Variants in YLPM1 observed in about 807,000 individuals in gnomAD.
The protein encoded by YLPM1 is YLP motif-containing protein 1.
A neutral mutation model predicts 230.0 loss-of-function variants in YLPM1; 99 were observed. The observed-to-expected ratio is 0.43, with a 90% CI of 0.37 to 0.51. YLPM1 has a LOEUF of 0.51. YLPM1 is among the 20% of genes least tolerant of loss of function. YLPM1 has a pLI of 0.00. For missense variants in YLPM1, 2,592 were observed against 2,707.7 expected (o/e 0.96, Z 0.95); for synonymous variants, 984 against 942.5 (o/e 1.04, Z -0.81).
chr14:74,777,869 G>C lies in YLPM1; in HGVS notation c.874-578G>C, dbSNP rs140640270. Among the ~76,000 whole-genome samples, 28 of 152,230 alleles carry C rather than the reference G, an allele frequency of 1.8e-4. No individual in the cohort carries two copies. In the East Asian group the frequency reaches 5.0e-3, roughly 27 times the overall value. Reference sequence around the variant, plus strand: ...GCATGCCTACGAACCCAGCTGCTCAGGAGGCTGAGGTGGGAGGATTGCTTG... The same window carrying C: ...GCATGCCTACGAACCCAGCTGCTCACGAGGCTGAGGTGGGAGGATTGCTTG... On this transcript the variant is annotated intron_variant, in intron 1 of 20. Transcript: ENST00000325680.
chr14:74,806,948 T>TACA (rs1264843262), intron 6 of YLPM1, among the ~76,000 whole-genome samples: 1 of 152,208 alleles, frequency 6.6e-6, no homozygotes, highest in Non-Finnish European at 1.5e-5. Context: ...TTTATAAGTA[T>TACA]ACATCTATGA....
Position 74,764,203 on chromosome 14 carries a change from C to T in YLPM1, c.714C>T (p.Gly238=), listed in dbSNP as rs551696638. The T allele has an allele frequency of 1.2e-6, 2 of 1,613,240 alleles. No homozygotes were observed. Among genetic ancestry groups the T allele is most frequent in the South Asian group, 1.1e-5 (1 of 91,032 alleles). The change falls in exon 1 of 21, where the codon GGC becomes GGT. Residue 238 remains glycine, a synonymous_variant. Coordinates refer to ENST00000325680, the MANE Select transcript of YLPM1 (RefSeq NM_019589.3). The stretch of plus-strand genomic sequence containing the variant: ...CATCTCCTTCCCGCCCCTCCCAGGG[C>T]CATTCTAAATCCCAACTACTAGCTC... ...SQASPSRPSQ[G]HSKSQLLAPP...
intron 8 of YLPM1, 34 bp from the exon 9 acceptor site, chr14:74,810,191 G>A (rs1594835234): frequency 1.3e-6 from 2 of 1,597,048 alleles, no homozygotes; most frequent in Non-Finnish European, 8.5e-7. Flanking sequence ...TCTATAAAAG[G>A]GATATAGTTA....
intron 1 of YLPM1, among the ~76,000 whole-genome samples, chr14:74,774,929 A>G (rs2091018640): frequency 6.6e-6 from 1 of 152,236 alleles, no homozygotes; most frequent in Admixed American, 6.5e-5. Flanking sequence ...AGAGAGTATC[A>G]TACTGAATAT....
intron 16 of YLPM1, among the ~76,000 whole-genome samples, chr14:74,819,414 A>G (rs2140136256): frequency 6.6e-6 from 1 of 151,704 alleles, no homozygotes. Flanking sequence ...AGCTGGAACT[A>G]CAGGCATGCG....
At chr14:74,816,548 C>T in intron 12 of YLPM1, 23 bp from the exon 13 acceptor site, 1 of 1,602,180 alleles carries the variant, frequency 6.2e-7, no homozygotes, top group Non-Finnish European at 8.5e-7. Context: ...TCGTTTTAAC[C>T]TTCTTGACTG....
At chr14:74,806,540 G>A (rs188699137) in intron 6 of YLPM1, among the ~76,000 whole-genome samples, 201 of 151,938 alleles carry the variant, frequency 1.3e-3, no homozygotes, top group Middle Eastern at 3.4e-3. Context: ...TGCACATAGC[G>A]CCACTGCGCT....
At position 74,829,345 on chromosome 14, in the gene YLPM1, T is replaced by A; in HGVS notation, c.6294+2T>A. The A allele has an allele frequency of 6.2e-7, 1 of 1,612,636 alleles. No homozygotes were observed. Among genetic ancestry groups the A allele is most frequent in the Non-Finnish European group, 8.5e-7 (1 of 1,178,986 alleles). ...GCTTCTGAGCCTGGGAAGAAGAGGGTAAGAGACTTTGTCAATAACTGCCAA... is the reference window on the plus strand; with the variant it reads ...GCTTCTGAGCCTGGGAAGAAGAGGGAAAGAGACTTTGTCAATAACTGCCAA... On this transcript the variant is annotated splice_donor_variant, in intron 19 of 20. Coordinates refer to ENST00000325680, the MANE Select transcript of YLPM1 (RefSeq NM_019589.3). LOFTEE classifies it high-confidence loss of function.
rs555187039 is a variant in YLPM1 at position 74,776,750 on chromosome 14, G to C, written c.874-1697G>C. Among the ~76,000 whole-genome samples the C allele has an allele frequency of 2.0e-5, 3 of 152,296 alleles. No individual in the cohort carries two copies. In the South Asian group the frequency reaches 6.2e-4, roughly 32 times the overall value. ...GTGAATGACTGGGAAAGCTCAGTGA[G>C]TATGGATTTTGGGTTTAGAAATAAA... On this transcript the variant is annotated intron_variant, in intron 1 of 20. Transcript: ENST00000325680.
intron 1 of YLPM1, 106 bp downstream of exon 1, chr14:74,764,468 A>G (rs2090891404): frequency 7.4e-7 from 1 of 1,354,572 alleles, no homozygotes; most frequent in African/African-American, 1.5e-5. Flanking sequence ...CACAATGACT[A>G]GCTAACACTC....
intron 4 of YLPM1, among the ~76,000 whole-genome samples, chr14:74,795,872 G>A (rs1428632252): frequency 6.6e-6 from 1 of 152,190 alleles, no homozygotes; most frequent in Non-Finnish European, 1.5e-5. Context: ...TAGGACTTAG[G>A]TGATGGTTCA....
chr14:74,787,607 A>T (rs7142898), intron 4 of YLPM1, among the ~76,000 whole-genome samples: 105,627 of 151,908 alleles, frequency 0.7, 36,872 homozygotes, highest in East Asian at 0.78. Context: ...CGCTGCAGTA[A>T]GACAGTTTGA....
chr14:74,810,465 A>G, intron 9 of YLPM1, 45 bp downstream of exon 9: 3 of 1,559,756 alleles, frequency 1.9e-6, no homozygotes, highest in Non-Finnish European at 2.6e-6. Context: ...ATTACTGTAT[A>G]CTTAACAGTA....
At chr14:74,810,143 C>T (rs2091419626) in intron 8 of YLPM1, 82 bp from the exon 9 acceptor site, 4 of 1,511,062 alleles carry the variant, frequency 2.6e-6, no homozygotes, top group Non-Finnish European at 3.6e-6. Context: ...AAATTTATAC[C>T]AGCTCTGAAG....
At chr14:74,769,259 C>CTTTTTTTTTTTTTTTT (rs34023289) in intron 1 of YLPM1, among the ~76,000 whole-genome samples, 1 of 38,400 alleles carries the variant, frequency 2.6e-5, no homozygotes, top group African/African-American at 7.4e-5. Context: ...GTATTTTTAT[C>CTTTTTTTTTTTTTTTT]TTTTTTTTTT....
At chr14:74,824,391 T>G (rs2091546573) in intron 18 of YLPM1, 84 bp downstream of exon 18, 1 of 1,370,120 alleles carries the variant, frequency 7.3e-7, no homozygotes, top group South Asian at 1.3e-5. Context: ...GGAACAAATT[T>G]CCTAAAACTT....
At position 74,816,656 on chromosome 14, in the gene YLPM1, A is replaced by G; in HGVS notation, c.5651A>G (p.Lys1884Arg). ...ATCACTGAAGTGGAAAAAGAAGAAAAAGATCCAGATTCTGGAAAGAAAGTG... is the reference window on the plus strand; with the variant it reads ...ATCACTGAAGTGGAAAAAGAAGAAAGAGATCCAGATTCTGGAAAGAAAGTG... ...YFITEVEKEE[K>R]DPDSGKKVKK... The change falls in exon 13 of 21, where the codon AAA (lysine) becomes AGA (arginine). Residue 1884 changes from lysine (K) to arginine (R), a missense_variant. Transcript: ENST00000325680. The G allele has an allele frequency of 1.2e-6, 2 of 1,613,646 alleles. No individual in the cohort carries two copies. The highest frequency in any genetic ancestry group is 8.5e-7 in the Non-Finnish European group (1 of 1,179,746).
At chr14:74,784,336 T>C (rs1396597827) in intron 4 of YLPM1, among the ~76,000 whole-genome samples, 2 of 152,234 alleles carry the variant, frequency 1.3e-5, no homozygotes, top group African/African-American at 2.4e-5. Flanking sequence ...TTATCTAATA[T>C]ATCTGTCTAC....
chr14:74,821,327 G>T (rs936268628), intron 17 of YLPM1, 190 bp downstream of exon 17: 13 of 782,120 alleles, frequency 1.7e-5, no homozygotes, highest in Non-Finnish European at 2.4e-5. Flanking sequence ...CCTCTAATGT[G>T]GTGTTAAGAG....
Sources: allele counts gnomAD v4.1 joint callset (sites outside exome capture counted in the v4.1 genomes callset), GRCh38; gene constraint gnomAD v4.1.1; transcripts MANE v1.5; gene names NCBI Gene and HGNC (gene_info 2026-07-23, HGNC 2026-07-21).